BEND3: variants seen among roughly 807,000 people sequenced by gnomAD.
BEND3 encodes the protein BEN domain-containing protein 3.
A neutral mutation model predicts 60.1 loss-of-function variants in BEND3; 13 were observed. That is an observed-to-expected ratio of 0.22 (90% CI 0.14 to 0.34). The LOEUF is 0.34. BEND3 is among the 10% of genes least tolerant of loss of function. The probability of loss-of-function intolerance (pLI) is 1.00; values close to 1 mark genes in which losing one functional copy is unlikely to be tolerated. For missense variants in BEND3, 896 were observed against 1,138.1 expected (o/e 0.79, Z 3.06); for synonymous variants, 497 against 491.5 (o/e 1.01, Z -0.15).
In BEND3 at chr6:107,069,620, C is replaced by T. The variant is rs1258898849; in HGVS notation, c.1571G>A (p.Arg524His). Residue 524 changes from arginine to histidine, a missense_variant, in exon 4 of 4, where the codon CGC becomes CAC. Coordinates refer to ENST00000369042, the MANE Select transcript of BEND3 (RefSeq NM_001367314.1). ...EDSFEGERPG[R>H]RSKKIWLVPI... is the part of the protein sequence containing the mutation. ...CACCAGCCAGATCTTCTTGGAGCGG[C>T]GACCCGGCCGCTCGCCCTCGAAGCT... 1.1e-5 allele frequency: 18 copies of T among 1,611,290 alleles called. No homozygotes were observed. In the South Asian group the frequency reaches 1.2e-4, roughly 11 times the overall value.
chr6:107,108,271 G>A (rs1429856014), intron 1 of BEND3, among the ~76,000 whole-genome samples: 4 of 152,136 alleles, frequency 2.6e-5, no homozygotes, highest in African/African-American at 4.8e-5. Context: ...GGTCACTTGC[G>A]TCTTCTGAGT....
chr6:107,101,314 A>G lies in BEND3; in HGVS notation c.-11-2018T>C, dbSNP rs994928525. On this transcript the variant is annotated intron_variant, in intron 1 of 3. Transcript: ENST00000369042. ...TTGACATACAGTACCTGTTTTAGAC[A>G]GGTGAATGGGGTGGGGATGGCAGCA... is the stretch of plus-strand genomic sequence containing the variant. Among the ~76,000 whole-genome samples, 7 of 152,304 alleles carry G rather than the reference A, an allele frequency of 4.6e-5. No homozygotes were observed. The East Asian group carries it at 9.7e-4, about 21-fold the overall frequency.
At chr6:107,080,461 T>G (rs1270163411) in intron 3 of BEND3, among the ~76,000 whole-genome samples, 1 of 149,418 alleles carries the variant, frequency 6.7e-6, no homozygotes, top group Non-Finnish European at 1.5e-5. Flanking sequence ...AGTCACCATA[T>G]ATATCTTAGA....
Position 107,081,469 on chromosome 6 carries a change from G to T in BEND3, c.241-10519C>A, listed in dbSNP as rs782193116. On this transcript the variant is annotated intron_variant, in intron 3 of 3. Coordinates refer to ENST00000369042, the MANE Select transcript of BEND3 (RefSeq NM_001367314.1). ...ACTCCTGACTTCAGGTGATCCACCCGCCTCGGCCTCCCAAAGTGCTGGGAT... is the reference window on the plus strand; with the variant it reads ...ACTCCTGACTTCAGGTGATCCACCCTCCTCGGCCTCCCAAAGTGCTGGGAT... 8.2e-4 allele frequency among the ~76,000 whole-genome samples: 120 copies of T among 146,794 alleles called. 3 individuals are homozygous for T. The Middle Eastern group carries it at 0.02, about 25-fold the overall frequency.
chr6:107,067,802 A>C lies in BEND3; in HGVS notation c.*902T>G, dbSNP rs1472768770. 3 of 152,208 alleles carry C rather than the reference A, an allele frequency of 2.0e-5. No homozygotes were observed. The highest frequency in any genetic ancestry group is 7.2e-5 in the African/African-American group (3 of 41,454). The allele number at this position is 152,208 out of a possible 1,614,324, so 9.4% of individuals were successfully genotyped here. A position where few individuals can be genotyped will look rare whatever the true frequency, so the allele number is the denominator to read the frequency against. ...CTCAAAGAGGCCCACCCTTAAATCTAACAAGAAGCCAAAAGCCCCTGCACT... is the reference window on the plus strand; with the variant it reads ...CTCAAAGAGGCCCACCCTTAAATCTCACAAGAAGCCAAAAGCCCCTGCACT... On this transcript the variant is annotated 3_prime_UTR_variant, in exon 4 of 4. Transcript: ENST00000369042.
At chr6:107,098,892 C>T (rs1172757679) in intron 2 of BEND3, 139 bp from the exon 3 acceptor site, 1 of 683,286 alleles carries the variant, frequency 1.5e-6, no homozygotes, top group Non-Finnish European at 2.5e-6. Context: ...TGTAACAAAC[C>T]TGAGCTTTCC....
rs782310422 is a variant in BEND3, at chr6:107,069,533, C to A, written c.1658G>T (p.Cys553Phe). ...GCGTAGCTGCTCCTTGCTGAGCAGG[C>A]AGTCGGCACCGGGCACCTCGAAGTC... ...QPDFEVPGAD[C>F]LLSKEQLRSI... is the part of the protein sequence containing the mutation. Residue 553 changes from cysteine (C) to phenylalanine (F), a missense_variant, in exon 4 of 4, where the codon TGC becomes TTC. This residue lies in a region of BEND3 where 846 missense variants were observed against 1,036.7 expected (regional missense o/e 0.82). Coordinates refer to ENST00000369042, the MANE Select transcript of BEND3 (RefSeq NM_001367314.1). The A allele has an allele frequency of 5.0e-6, 8 of 1,613,002 alleles. No individual in the cohort carries two copies. The highest frequency in any genetic ancestry group is 6.8e-6 in the Non-Finnish European group (8 of 1,180,012).
At chr6:107,103,738 T>C (rs1554236990) in intron 1 of BEND3, among the ~76,000 whole-genome samples, 2 of 151,874 alleles carry the variant, frequency 1.3e-5, no homozygotes, top group Non-Finnish European at 2.9e-5. Context: ...CACCTGAGGA[T>C]GGGAGTTGGA....
At chr6:107,081,345 C>A (rs887744248) in intron 3 of BEND3, among the ~76,000 whole-genome samples, 54 of 151,830 alleles carry the variant, frequency 3.6e-4, no homozygotes, top group Admixed American at 3.2e-3. Flanking sequence ...CTTAGCCTTC[C>A]GAGTAACTGG....
rs75435915 is a variant in BEND3, at chr6:107,069,751, G to C, written c.1440C>G (p.Leu480=). 1.6e-5 allele frequency: 25 copies of C among 1,612,232 alleles called. No individual in the cohort carries two copies. The highest frequency in any genetic ancestry group is 2.7e-5 in the African/African-American group (2 of 74,900). The change falls in exon 4 of 4, where the codon CTC becomes CTG. Residue 480 remains leucine (L), a synonymous_variant. Coordinates refer to ENST00000369042, the MANE Select transcript of BEND3 (RefSeq NM_001367314.1). ...QQCAQRINDE[L]EGLGLDAGSE... ...TGCCCGCGTCCAGCCCCAGGCCCTCGAGCTCGTCGTTGATGCGCTGGGCAC... is the reference window on the plus strand; with the variant it reads ...TGCCCGCGTCCAGCCCCAGGCCCTCCAGCTCGTCGTTGATGCGCTGGGCAC...
At chr6:107,099,572 CA>C (rs1280288398) in intron 1 of BEND3, among the ~76,000 whole-genome samples, 2 of 152,202 alleles carry the variant, frequency 1.3e-5, no homozygotes, top group African/African-American at 4.8e-5. Flanking sequence ...GCCATGGGAA[CA>C]TTACAAGAAC....
At chr6:107,074,918 A>G (rs311234) in intron 3 of BEND3, among the ~76,000 whole-genome samples, 125,460 of 151,952 alleles carry the variant, frequency 0.83, 51,847 homozygotes, top group East Asian at 0.89. Context: ...TGGCTAACGC[A>G]GTGAAACTCC....
intron 1 of BEND3, among the ~76,000 whole-genome samples, chr6:107,102,401 A>G (rs1267317048): frequency 1.3e-5 from 2 of 152,238 alleles, no homozygotes; most frequent in South Asian, 2.1e-4. Flanking sequence ...ACAGCAGGCA[A>G]TTTGGCCTCT....
Position 107,070,525 on chromosome 6 carries a change from A to G in BEND3, c.666T>C (p.Leu222=), listed in dbSNP as rs1554231853. The part of the protein sequence containing the change: ...QLHSKVDLLS[L]EVSRIKKQVS... ...CCTGCTTCTTGATGCGGCTCACCTC[A>G]AGGGAGAGCAGGTCCACCTTGCTGT... The change falls in exon 4 of 4, where the codon CTT becomes CTC. Residue 222 remains leucine, a synonymous_variant. Transcript: ENST00000369042. The surrounding 1 kb of genome is among the most constrained non-coding windows in gnomAD (Gnocchi z 6.9). 3 of 1,613,684 alleles carry G rather than the reference A, an allele frequency of 1.9e-6. No individual in the cohort carries two copies. Among genetic ancestry groups the G allele is most frequent in the Admixed American group, 1.7e-5 (1 of 60,004 alleles).
chr6:107,107,346 C>A (rs1775838446), intron 1 of BEND3, among the ~76,000 whole-genome samples: 1 of 152,108 alleles, frequency 6.6e-6, no homozygotes, highest in African/African-American at 2.4e-5. Context: ...ATCTACCTCA[C>A]CTCAAAAAGT....
At chr6:107,108,801 AG>A (rs1469913185) in intron 1 of BEND3, among the ~76,000 whole-genome samples, 6 of 152,092 alleles carry the variant, frequency 3.9e-5, no homozygotes, top group African/African-American at 1.4e-4. Context: ...AAAAATTAAG[AG>A]GGTTGATTGA....
chr6:107,068,727 T>G lies in BEND3; in HGVS notation c.2464A>C (p.Lys822Gln). 6.2e-7 allele frequency: 1 copy of G among 1,613,706 alleles called. No homozygotes were observed. Among genetic ancestry groups the G allele is most frequent in the Non-Finnish European group, 8.5e-7 (1 of 1,179,988 alleles). ...CTTCACTTCTCCACTTTCTTTGCTT[T>G]CTTGAGGATGTCGCATTTTTTCCTG... ...PNRKKCDILK[K>Q]AKKVEK Residue 822 changes from lysine (K) to glutamine (Q), a missense_variant, in exon 4 of 4, where the codon AAA (lysine) becomes CAA (glutamine). By Grantham distance (53) the Lys-to-Gln change is moderately conservative. Coordinates refer to ENST00000369042, the MANE Select transcript of BEND3 (RefSeq NM_001367314.1). This position sits in a 1 kb window ranked among gnomAD's most constrained non-coding sequence, Gnocchi z 5.8.
intron 3 of BEND3, among the ~76,000 whole-genome samples, chr6:107,085,044 G>T (rs1426404061): frequency 6.6e-6 from 1 of 152,146 alleles, no homozygotes. Flanking sequence ...TCATCACGAC[G>T]GTCTGCGGCT....
intron 3 of BEND3, among the ~76,000 whole-genome samples, chr6:107,094,225 C>T (rs1189339784): frequency 2.6e-5 from 4 of 151,696 alleles, no homozygotes; most frequent in East Asian, 1.9e-4. Flanking sequence ...AAAATTAAAA[C>T]GGGCCAAAAA....
Sources: allele counts gnomAD v4.1 joint callset (sites outside exome capture counted in the v4.1 genomes callset), GRCh38; gene constraint gnomAD v4.1.1; regional missense constraint gnomAD v4.1.1; non-coding constraint Gnocchi (gnomAD v3.1); transcripts MANE v1.5; gene names NCBI Gene and HGNC (gene_info 2026-07-23, HGNC 2026-07-21).